Variants in CHRM5 observed in about 807,000 individuals in gnomAD.
CHRM5 encodes the protein cholinergic receptor muscarinic 5, also known as muscarinic acetylcholine receptor M5.
In CHRM5, 18 loss-of-function variants were observed where a neutral mutation model predicts 39.0. That is an observed-to-expected ratio of 0.46 (90% CI 0.32 to 0.68). CHRM5 has a LOEUF of 0.68. Among genes scored for constraint, CHRM5 ranks in the 30% least tolerant of loss-of-function variants. The pLI is 0.04. For missense variants in CHRM5, 515 were observed against 651.1 expected, an observed-to-expected ratio of 0.79 and a Z score of 2.28; for synonymous variants, 241 against 246.3, an observed-to-expected ratio of 0.98 and a Z score of 0.20.
At chr15:34,036,361 A>G (rs1899125878) in intron 1 of CHRM5, among the ~76,000 whole-genome samples, 2 of 152,174 alleles carry the variant, frequency 1.3e-5, no homozygotes, top group Non-Finnish European at 2.9e-5. Flanking sequence ...CAAAATAGAA[A>G]GCAAAGGTGT....
Position 34,066,182 on chromosome 15 carries a change from C to G in CHRM5, c.*1866C>G, listed in dbSNP as rs2140852105. Reference sequence around the variant, plus strand: ...ACACCTGCAAAGAATTCGGTGGGAACAGTAATTGGCTCAGTTCTCCAGCAC... The same window carrying G: ...ACACCTGCAAAGAATTCGGTGGGAAGAGTAATTGGCTCAGTTCTCCAGCAC... On this transcript the variant is annotated 3_prime_UTR_variant, in exon 3 of 3. Transcript: ENST00000383263. 1 of 152,362 alleles carries G rather than the reference C, an allele frequency of 6.6e-6. No homozygotes were observed. The highest frequency in any genetic ancestry group is 1.5e-5 in the Non-Finnish European group (1 of 68,042). The allele number at this position is 152,362 out of a possible 1,614,324, so 9.4% of individuals were successfully genotyped here.
At chr15:34,057,152 T>TG (rs1282085836) in intron 2 of CHRM5, among the ~76,000 whole-genome samples, 1 of 151,454 alleles carries the variant, frequency 6.6e-6, no homozygotes, top group Non-Finnish European at 1.5e-5. Context: ...GTTTTTTTTT[T>TG]TAGGTGGAGT....
chr15:34,020,040 A>G (rs1028086621), intron 1 of CHRM5, among the ~76,000 whole-genome samples: 3 of 152,232 alleles, frequency 2.0e-5, no homozygotes, highest in Non-Finnish European at 1.5e-5. Context: ...GGCTGGGCGC[A>G]GTGGTTCACA....
At chr15:34,024,536 A>T (rs78731312) in intron 1 of CHRM5, among the ~76,000 whole-genome samples, 6,220 of 151,266 alleles carry the variant, frequency 0.041, 422 homozygotes, top group African/African-American at 0.14. Context: ...AAAACTATCA[A>T]ATTAAAACTA....
At chr15:34,023,777 C>G (rs531498012) in intron 1 of CHRM5, among the ~76,000 whole-genome samples, 3 of 152,250 alleles carry the variant, frequency 2.0e-5, no homozygotes, top group East Asian at 3.9e-4. Flanking sequence ...CTGCTAGCAA[C>G]TAAAAAGACC....
At chr15:34,058,691 G>A (rs1198888800) in intron 2 of CHRM5, among the ~76,000 whole-genome samples, 1 of 151,564 alleles carries the variant, frequency 6.6e-6, no homozygotes, top group Non-Finnish European at 1.5e-5. Flanking sequence ...CTTTCTTCAG[G>A]CCTTCTCTGC....
chr15:34,040,717 A>G (rs949857364), intron 1 of CHRM5, among the ~76,000 whole-genome samples: 1 of 151,922 alleles, frequency 6.6e-6, no homozygotes, highest in Admixed American at 6.6e-5. Flanking sequence ...TGCCTGAGAC[A>G]TGAGTTCAAG....
chr15:34,031,792 C>A (rs1898849111), intron 1 of CHRM5, among the ~76,000 whole-genome samples: 1 of 152,094 alleles, frequency 6.6e-6, no homozygotes, highest in Admixed American at 6.6e-5. Context: ...ACAACAGCAT[C>A]CTAGCAGCAT....
intron 1 of CHRM5, among the ~76,000 whole-genome samples, chr15:34,033,510 A>G (rs538350459): frequency 3.3e-5 from 5 of 152,264 alleles, no homozygotes; most frequent in Non-Finnish European, 5.9e-5. Flanking sequence ...CGTCTCAAAA[A>G]AAAAAAAAAA....
chr15:33,994,331 G>C (rs1896849853), intron 1 of CHRM5, among the ~76,000 whole-genome samples: 1 of 152,230 alleles, frequency 6.6e-6, no homozygotes, highest in African/African-American at 2.4e-5. Flanking sequence ...TGATCTGTCA[G>C]TCTCCCATCA....
intron 1 of CHRM5, among the ~76,000 whole-genome samples, chr15:33,978,257 A>G (rs1056962382): frequency 6.6e-6 from 1 of 152,206 alleles, no homozygotes; most frequent in African/African-American, 2.4e-5. Context: ...TCCTCTGAAC[A>G]TGTGTGGTAC....
At chr15:34,050,398 C>T (rs772775521) in intron 2 of CHRM5, among the ~76,000 whole-genome samples, 1 of 152,190 alleles carries the variant, frequency 6.6e-6, no homozygotes, top group Non-Finnish European at 1.5e-5. Flanking sequence ...TACAAAAACA[C>T]ACTGAAGTAC....
At chr15:33,976,550 A>C (rs1036776879) in intron 1 of CHRM5, among the ~76,000 whole-genome samples, 2 of 152,226 alleles carry the variant, frequency 1.3e-5, no homozygotes, top group African/African-American at 2.4e-5. Flanking sequence ...ACTCCAGTAG[A>C]CAACACACTT....
chr15:34,009,233 A>G (rs1227645875), intron 1 of CHRM5, among the ~76,000 whole-genome samples: 1 of 152,240 alleles, frequency 6.6e-6, no homozygotes, highest in Non-Finnish European at 1.5e-5. Flanking sequence ...ATTTGCTCTA[A>G]CAGGCCCACC....
chr15:34,014,375 A>AAAAG (rs1897777802), intron 1 of CHRM5, among the ~76,000 whole-genome samples: 1 of 103,386 alleles, frequency 9.7e-6, no homozygotes, highest in African/African-American at 3.1e-5. Flanking sequence ...ATTAAAAAAA[A>AAAAG]AAAAAAAAAC....
At chr15:34,015,022 T>C (rs1299192135) in intron 1 of CHRM5, among the ~76,000 whole-genome samples, 1 of 152,130 alleles carries the variant, frequency 6.6e-6, no homozygotes, top group Non-Finnish European at 1.5e-5. Flanking sequence ...CTTCTGGTAC[T>C]CTAGAGTCCT....
intron 1 of CHRM5, among the ~76,000 whole-genome samples, chr15:34,029,517 C>A (rs1379055210): frequency 2.0e-3 from 235 of 118,670 alleles, no homozygotes; most frequent in African/African-American, 7.3e-3. Context: ...CCTATTTCTA[C>A]AAAAAAAAAA....
chr15:34,010,087 TA>T (rs1364987131), intron 1 of CHRM5, among the ~76,000 whole-genome samples: 3 of 152,128 alleles, frequency 2.0e-5, no homozygotes, highest in Non-Finnish European at 4.4e-5. Context: ...TTAACAATAA[TA>T]GTTAGAAACT....
chr15:33,978,520 C>T (rs1895993659), intron 1 of CHRM5, among the ~76,000 whole-genome samples: 1 of 151,860 alleles, frequency 6.6e-6, no homozygotes, highest in African/African-American at 2.4e-5. Context: ...AAAAATTAGC[C>T]GGCATGGTGG....
Sources: allele counts gnomAD v4.1 joint callset (sites outside exome capture counted in the v4.1 genomes callset), GRCh38; gene constraint gnomAD v4.1.1; transcripts MANE v1.5; gene names NCBI Gene and HGNC (gene_info 2026-07-23, HGNC 2026-07-21).